Variants in GRAMD1B observed in about 807,000 individuals in gnomAD.
GRAMD1B encodes the protein protein Aster-B.
GRAMD1B carries 37 observed loss-of-function variants against 99.7 expected under a neutral mutation model. The observed-to-expected ratio is 0.37, with a 90% CI of 0.29 to 0.49. GRAMD1B has a LOEUF of 0.49. Ranked by LOEUF, GRAMD1B falls within the 20% of genes least tolerant of loss-of-function variation. The probability of loss-of-function intolerance (pLI) is 0.98; values close to 1 mark genes in which losing one functional copy is unlikely to be tolerated. For synonymous variants in GRAMD1B, 427 were observed against 387.6 expected (o/e 1.10, Z -1.19); for missense variants, 888 against 1,009.2 (o/e 0.88, Z 1.63).
intron 1 of GRAMD1B, among the ~76,000 whole-genome samples, chr11:123,359,502 G>C (rs1194748548): frequency 6.6e-6 from 1 of 152,068 alleles, no homozygotes; most frequent in Admixed American, 6.5e-5. Context: ...CAACTTGTTT[G>C]CACCCATCAG....
chr11:123,587,850 G>A lies in GRAMD1B; in HGVS notation c.684+3518G>A, dbSNP rs1276908243. Among the ~76,000 whole-genome samples the A allele has an allele frequency of 3.9e-5, 6 of 152,130 alleles. No individual in the cohort carries two copies. The highest frequency in any genetic ancestry group is 8.8e-5 in the Non-Finnish European group (6 of 68,010). ...ATCCAGGGTGTTGGGGTTGGGCAGC[G>A]GAGAGGGTAGGAGACCTGCCTCGAA... On this transcript the variant is annotated intron_variant, in intron 4 of 19. Coordinates refer to ENST00000635736, the MANE Select transcript of GRAMD1B (RefSeq NM_001387025.1). This position sits in a 1 kb window ranked among gnomAD's most constrained non-coding sequence, Gnocchi z 4.2.
At chr11:123,501,333 G>A (rs1939833482) in intron 2 of GRAMD1B, among the ~76,000 whole-genome samples, 1 of 151,836 alleles carries the variant, frequency 6.6e-6, no homozygotes, top group South Asian at 2.1e-4. Flanking sequence ...ACCATGCCAC[G>A]CTAATTTTTT....
At chr11:123,436,134 G>A (rs1191355971) in intron 1 of GRAMD1B, among the ~76,000 whole-genome samples, 2 of 151,840 alleles carry the variant, frequency 1.3e-5, no homozygotes, top group African/African-American at 2.4e-5. Flanking sequence ...GTAGAGACAG[G>A]GTTTCACCAT....
At chr11:123,437,584 C>G (rs925315416) in intron 1 of GRAMD1B, among the ~76,000 whole-genome samples, 1 of 152,156 alleles carries the variant, frequency 6.6e-6, no homozygotes, top group African/African-American at 2.4e-5. Flanking sequence ...CACACCTACC[C>G]CCGTCATGAC....
rs1307489084 is a variant in GRAMD1B at position 123,438,459 on chromosome 11, A to G, written c.374+7293A>G. The stretch of plus-strand genomic sequence containing the variant: ...GGAGGCCATTGAGGAGATGTGTGTG[A>G]GGTTGTGGGAAGCAGAGAGGTGTGA... On this transcript the variant is annotated intron_variant, in intron 1 of 19. Coordinates refer to ENST00000635736, the MANE Select transcript of GRAMD1B (RefSeq NM_001387025.1). Among the ~76,000 whole-genome samples the G allele has an allele frequency of 2.6e-5, 4 of 151,734 alleles. No individual in the cohort carries two copies. In the East Asian group the frequency reaches 5.8e-4, roughly 22 times the overall value.
chr11:123,442,214 C>T (rs914007475), intron 1 of GRAMD1B, among the ~76,000 whole-genome samples: 11 of 152,212 alleles, frequency 7.2e-5, no homozygotes, highest in Non-Finnish European at 1.5e-4. Context: ...GCCCCCACTT[C>T]AGATGCCAAT....
At chr11:123,453,195 C>T (rs1014259384) in intron 1 of GRAMD1B, among the ~76,000 whole-genome samples, 1 of 151,916 alleles carries the variant, frequency 6.6e-6, no homozygotes, top group East Asian at 1.9e-4. Flanking sequence ...TCTAATCCAG[C>T]TTAAATTGAA....
At chr11:123,489,336 C>T (rs182288638) in intron 2 of GRAMD1B, among the ~76,000 whole-genome samples, 32 of 152,128 alleles carry the variant, frequency 2.1e-4, no homozygotes, top group Non-Finnish European at 2.9e-4. Context: ...TTGGCTACAC[C>T]GTTTGAAGCT....
chr11:123,551,971 A>G (rs1255638189), intron 2 of GRAMD1B, among the ~76,000 whole-genome samples: 2 of 152,126 alleles, frequency 1.3e-5, no homozygotes, highest in Non-Finnish European at 2.9e-5. Context: ...AATCATGACT[A>G]CAGATTATTT....
At chr11:123,547,942 C>T (rs1474167300) in intron 2 of GRAMD1B, among the ~76,000 whole-genome samples, 4 of 152,094 alleles carry the variant, frequency 2.6e-5, no homozygotes, top group Admixed American at 6.5e-5. Flanking sequence ...GACTTTCACA[C>T]TCCTGCATTT....
chr11:123,568,990 A>G (rs1947743490), intron 2 of GRAMD1B, among the ~76,000 whole-genome samples: 1 of 152,152 alleles, frequency 6.6e-6, no homozygotes, highest in African/African-American at 2.4e-5. Context: ...CCCATCCAGC[A>G]TCCTGAAAAG....
chr11:123,373,304 T>C (rs1001576840), intron 1 of GRAMD1B, among the ~76,000 whole-genome samples: 1 of 151,894 alleles, frequency 6.6e-6, no homozygotes, highest in Admixed American at 6.6e-5. Flanking sequence ...AGATGAGATT[T>C]AGATAGCACG....
intron 12 of GRAMD1B, among the ~76,000 whole-genome samples, chr11:123,609,197 C>T (rs113661223): frequency 5.9e-5 from 9 of 152,272 alleles, no homozygotes; most frequent in Admixed American, 3.9e-4. Flanking sequence ...GTGTGGACAC[C>T]GATGAGGCTG....
At chr11:123,445,360 T>C (rs755112913) in intron 1 of GRAMD1B, among the ~76,000 whole-genome samples, 5 of 152,166 alleles carry the variant, frequency 3.3e-5, no homozygotes, top group Non-Finnish European at 5.9e-5. Context: ...ACCTTTTTGT[T>C]GATTTTCAGG....
chr11:123,623,464 C>G lies in GRAMD1B; in HGVS notation c.*869C>G, dbSNP rs551854066. 1 of 152,360 alleles carries G rather than the reference C, an allele frequency of 6.6e-6. No individual in the cohort carries two copies. Among genetic ancestry groups the G allele is most frequent in the South Asian group, 2.1e-4 (1 of 4,824 alleles). 9.4% of individuals were successfully genotyped at this position (152,360 alleles called of 1,614,324 possible). On this transcript the variant is annotated 3_prime_UTR_variant, in exon 20 of 20. Transcript: ENST00000635736. ...GAGCGTTTTCGACCTTATTAAACCT[C>G]TTTTAGTGCTTCTAAGCAAGTCAGG...
At chr11:123,453,476 A>C (rs926140483) in intron 1 of GRAMD1B, among the ~76,000 whole-genome samples, 2 of 151,864 alleles carry the variant, frequency 1.3e-5, no homozygotes, top group Admixed American at 6.6e-5. Context: ...GCCACCACAC[A>C]CAGCTAATTT....
chr11:123,544,266 G>T (rs1377139295), intron 2 of GRAMD1B, among the ~76,000 whole-genome samples: 1 of 152,134 alleles, frequency 6.6e-6, no homozygotes, highest in Non-Finnish European at 1.5e-5. Context: ...TGCCAATATT[G>T]TAGAGAAATC....
At chr11:123,544,265 T>C (rs933249740) in intron 2 of GRAMD1B, among the ~76,000 whole-genome samples, 3 of 152,274 alleles carry the variant, frequency 2.0e-5, no homozygotes, top group Non-Finnish European at 1.5e-5. Flanking sequence ...ATGCCAATAT[T>C]GTAGAGAAAT....
chr11:123,532,965 A>G (rs1363159592), intron 2 of GRAMD1B, among the ~76,000 whole-genome samples: 2 of 152,212 alleles, frequency 1.3e-5, no homozygotes, highest in African/African-American at 4.8e-5. Context: ...CTCAAGTGCA[A>G]CAAAATATGT....
Sources: gnomAD v4.1 joint callset for allele counts (sites outside exome capture counted in the v4.1 genomes callset) on GRCh38, gnomAD v4.1.1 for gene constraint, Gnocchi (gnomAD v3.1) non-coding constraint, MANE v1.5 for transcripts, NCBI Gene and HGNC (gene_info 2026-07-23, HGNC 2026-07-21) for gene names.